Variants in UNC45B observed in about 807,000 individuals in gnomAD.
UNC45B encodes the protein protein unc-45 homolog B.
UNC45B carries 78 observed loss-of-function variants against 98.7 expected under a neutral mutation model. The ratio of observed to expected loss-of-function variants is 0.79; its 90% CI spans 0.66 to 0.95. The LOEUF is 0.95. Among genes scored for constraint, UNC45B ranks in the 40% least tolerant of loss-of-function variants. UNC45B has a pLI of 0.00. For missense variants in UNC45B, 1,225 were observed against 1,184.9 expected (o/e 1.03, Z -0.50); for synonymous variants, 462 against 480.4 (o/e 0.96, Z 0.50).
In UNC45B at chr17:35,149,992, C is replaced by T. The variant is rs2092004648; in HGVS notation, c.206-56C>T. ...GCTTCCTGGAGTTGGGGCAGTGGGG[C>T]TGGTGGTCTGTAGTCTGGCTCCCTA... is the stretch of plus-strand genomic sequence containing the variant. On this transcript the variant is annotated intron_variant, in intron 3 of 19. Coordinates refer to ENST00000394570, the MANE Select transcript of UNC45B (RefSeq NM_001267052.2). The T allele has an allele frequency of 5.3e-6, 8 of 1,500,342 alleles. No individual in the cohort carries two copies. In the South Asian group the frequency reaches 1.1e-4, roughly 20 times the overall value. The allele number at this position is 1,500,342 out of a possible 1,614,324, so 92.9% of individuals were successfully genotyped here.
intron 18 of UNC45B, among the ~76,000 whole-genome samples, 159 bp downstream of exon 18, chr17:35,180,835 C>A (rs2092269127): frequency 6.6e-6 from 1 of 152,034 alleles, no homozygotes; most frequent in African/African-American, 2.4e-5. Flanking sequence ...TAGATTATAG[C>A]CCCCCTCCCT....
intron 8 of UNC45B, 94 bp from the exon 9 acceptor site, chr17:35,163,901 G>C: frequency 3.7e-6 from 5 of 1,354,214 alleles, no homozygotes; most frequent in Non-Finnish European, 5.0e-6. Flanking sequence ...GACAGGGCTG[G>C]AGAGAAGCTG....
chr17:35,171,584 G>A, intron 13 of UNC45B, 122 bp downstream of exon 13: 1 of 1,159,108 alleles, frequency 8.6e-7, no homozygotes, highest in South Asian at 1.7e-5. Flanking sequence ...TTGGGGGTAA[G>A]ATACACATAC....
chr17:35,152,983 G>A lies in UNC45B; in HGVS notation c.471+1G>A, dbSNP rs984374171. The A allele has an allele frequency of 3.1e-6, 5 of 1,611,248 alleles. No homozygotes were observed. Among genetic ancestry groups the A allele is most frequent in the Non-Finnish European group, 4.2e-6 (5 of 1,178,576 alleles). ...CAGTGAGGCTGATAAGCGGGAAAAG[G>A]TGAGTGCTGGCCAGTGCCATCCAGC... On this transcript the variant is annotated splice_donor_variant, in intron 5 of 19. Transcript: ENST00000394570. LOFTEE classifies it high-confidence loss of function.
chr17:35,168,325 C>T lies in UNC45B; in HGVS notation c.1416C>T (p.Thr472=). The change falls in exon 10 of 20, where the codon ACC becomes ACT. Residue 472 remains threonine (T), a synonymous_variant. Transcript: ENST00000394570. The stretch of plus-strand genomic sequence containing the variant: ...CACTGCTCAAACAGATCTACAAGAC[C>T]ACCAAAAATGAGAAGATCAAGATCC... ...GVSLLKQIYK[T]TKNEKIKIRT... 2 of 1,382,478 alleles carry T rather than the reference C, an allele frequency of 1.4e-6. No individual in the cohort carries two copies. The highest frequency in any genetic ancestry group is 1.9e-6 in the Non-Finnish European group (2 of 1,057,476). 85.6% of individuals were successfully genotyped at this position (1,382,478 alleles called of 1,614,324 possible). A position where few individuals can be genotyped will look rare whatever the true frequency, so the allele number is the denominator to read the frequency against.
At chr17:35,181,420 G>A (rs779985328) in intron 18 of UNC45B, among the ~76,000 whole-genome samples, 3 of 152,140 alleles carry the variant, frequency 2.0e-5, no homozygotes, top group Non-Finnish European at 2.9e-5. Context: ...AGGGGCTAGC[G>A]TGAGACCCAG....
intron 18 of UNC45B, 79 bp from the exon 19 acceptor site, chr17:35,183,348 A>G: frequency 1.4e-6 from 2 of 1,392,144 alleles, no homozygotes; most frequent in Non-Finnish European, 1.9e-6. Context: ...GGGTCAGAGA[A>G]CTTCAGATGT....
At chr17:35,155,695 G>C (rs1240943652) in intron 7 of UNC45B, among the ~76,000 whole-genome samples, 1 of 152,052 alleles carries the variant, frequency 6.6e-6, no homozygotes. Context: ...TCAGCCTCCC[G>C]AGTATCTGGG....
rs2092313196 is a variant in UNC45B at position 35,187,872 on chromosome 17, T to C, written c.*1313T>C. 6.6e-6 allele frequency: 1 copy of C among 152,242 alleles called. No homozygotes were observed. The highest frequency in any genetic ancestry group is 2.1e-4 in the South Asian group (1 of 4,838). 9.4% of individuals were successfully genotyped at this position (152,242 alleles called of 1,614,324 possible). ...TATGTCCCAATTCTACCTACGTTTA[T>C]TGAAGGGTCAACAGTTCTGATCTCA... On this transcript the variant is annotated 3_prime_UTR_variant, in exon 20 of 20. Coordinates refer to ENST00000394570, the MANE Select transcript of UNC45B (RefSeq NM_001267052.2).
rs1271224168 is a variant in UNC45B, at chr17:35,171,381, C to T, written c.1749C>T (p.Ser583=). ...CCACCCTGGTGAACTGCACCAACAGCTACGATGTCAAGGAGGTCATCCCAG... is the reference window on the plus strand; with the variant it reads ...CCACCCTGGTGAACTGCACCAACAGTTACGATGTCAAGGAGGTCATCCCAG... ...VATTLVNCTN[S]YDVKEVIPEL... The change falls in exon 13 of 20, where the codon AGC becomes AGT. Residue 583 remains serine, a synonymous_variant. Coordinates refer to ENST00000394570, the MANE Select transcript of UNC45B (RefSeq NM_001267052.2). 3.7e-6 allele frequency: 6 copies of T among 1,614,128 alleles called. No homozygotes were observed. Among genetic ancestry groups the T allele is most frequent in the Non-Finnish European group, 5.1e-6 (6 of 1,180,048 alleles).
chr17:35,169,737 C>T (rs1292610712), intron 10 of UNC45B, 100 bp from the exon 11 acceptor site: 12 of 995,876 alleles, frequency 1.2e-5, no homozygotes, highest in Non-Finnish European at 9.4e-6. Flanking sequence ...GAAAGAGGGG[C>T]GAAGTGTTCT....
rs1421723198 is a variant in UNC45B at position 35,183,438 on chromosome 17, G to T, written c.2385G>T (p.Arg795Ser). ...CCTGCCTCCCACAGGTACAGGAAAG[G>T]TTCTTGGCTGACGGGAATGACCGGC... Reference protein sequence around the residue: ...NMVLHKEVQERFLADGNDRLK... With the variant: ...NMVLHKEVQESFLADGNDRLK... The change falls in exon 19 of 20, where the codon AGG (arginine) becomes AGT (serine). Residue 795 changes from arginine (R) to serine (S), a missense_variant. Transcript: ENST00000394570. 2 of 1,588,492 alleles carry T rather than the reference G, an allele frequency of 1.3e-6. No individual in the cohort carries two copies. The highest frequency in any genetic ancestry group is 2.7e-5 in the African/African-American group (2 of 74,146).
Position 35,177,038 on chromosome 17 carries a change from G to A in UNC45B, c.2047G>A (p.Glu683Lys), listed in dbSNP as rs1201029114. 1 of 1,614,152 alleles carries A rather than the reference G, an allele frequency of 6.2e-7. No individual in the cohort carries two copies. The highest frequency in any genetic ancestry group is 8.5e-7 in the Non-Finnish European group (1 of 1,180,004). ...GGKALIPLAL[E>K]GTDVGKVKAA... is the part of the protein sequence containing the mutation. ...GCAGGCCCTGATTCCCCTGGCTTTG[G>A]AGGGCACAGATGTGGGCAAGGTGAA... is the stretch of plus-strand genomic sequence containing the variant. The change falls in exon 16 of 20, where the codon GAG (glutamate) becomes AAG (lysine). Residue 683 changes from glutamate (E) to lysine (K), a missense_variant. By Grantham distance (56) the Glu-to-Lys change is moderately conservative. Coordinates refer to ENST00000394570, the MANE Select transcript of UNC45B (RefSeq NM_001267052.2).
rs569743378 is a variant in UNC45B at position 35,182,358 on chromosome 17, G to A, written c.2374-1069G>A. Among the ~76,000 whole-genome samples, 5 of 151,892 alleles carry A rather than the reference G, an allele frequency of 3.3e-5. No individual in the cohort carries two copies. The South Asian group carries it at 1.0e-3, about 32-fold the overall frequency. ...CCTGCCTTGGCCTCCCAAAGTGCTG[G>A]GATTACAGGCGTGAGCCACCGCGCC... On this transcript the variant is annotated intron_variant, in intron 18 of 19. Transcript: ENST00000394570.
chr17:35,180,032 C>G (rs2092262665), intron 17 of UNC45B, among the ~76,000 whole-genome samples: 1 of 152,072 alleles, frequency 6.6e-6, no homozygotes, highest in Admixed American at 6.6e-5. Flanking sequence ...TATAATAGGC[C>G]TAAGCATAAA....
At position 35,168,896 on chromosome 17, in the gene UNC45B, G is replaced by A. The variant is rs181026205; in HGVS notation, c.1452+535G>A. On this transcript the variant is annotated intron_variant, in intron 10 of 19. Coordinates refer to ENST00000394570, the MANE Select transcript of UNC45B (RefSeq NM_001267052.2). Reference sequence around the variant, plus strand: ...TAATTTTTGTATTTTTAATAGAGACGGGGTTTCGCCATGTTGGCCAGGCTG... The same window carrying A: ...TAATTTTTGTATTTTTAATAGAGACAGGGTTTCGCCATGTTGGCCAGGCTG... Among the ~76,000 whole-genome samples the A allele has an allele frequency of 9.7e-3, 1,470 of 152,208 alleles. 23 individuals are homozygous for A. Among genetic ancestry groups the A allele is most frequent in the African/African-American group, 0.034 (1,416 of 41,544 alleles).
In UNC45B at chr17:35,186,588, G is replaced by A; in HGVS notation, c.*29G>A. On this transcript the variant is annotated 3_prime_UTR_variant, in exon 20 of 20. Transcript: ENST00000394570. ...GCGACCCTCAGGGATGCTGGGAGTG[G>A]TCCTGTACTGTGCAGAGTCCTGGGT... The A allele has an allele frequency of 6.2e-7, 1 of 1,610,906 alleles. No homozygotes were observed. The highest frequency in any genetic ancestry group is 8.5e-7 in the Non-Finnish European group (1 of 1,178,200).
intron 18 of UNC45B, among the ~76,000 whole-genome samples, chr17:35,182,247 C>A (rs893037609): frequency 2.0e-5 from 3 of 151,936 alleles, no homozygotes; most frequent in African/African-American, 7.3e-5. Context: ...GTGCCACCAC[C>A]CCTGGCTAAT....
chr17:35,176,291 A>G (rs188466882), intron 15 of UNC45B, among the ~76,000 whole-genome samples: 64 of 152,226 alleles, frequency 4.2e-4, no homozygotes, highest in Non-Finnish European at 7.4e-4. Context: ...GATGTAGAAG[A>G]CTTGTAGTTG....
Sources: gnomAD v4.1 joint callset for allele counts (sites outside exome capture counted in the v4.1 genomes callset) on GRCh38, gnomAD v4.1.1 for gene constraint, MANE v1.5 for transcripts, NCBI Gene and HGNC (gene_info 2026-07-23, HGNC 2026-07-21) for gene names.